The following SLC30A7 variants were observed in gnomAD, a reference collection of about 807,000 sequenced individuals.
SLC30A7 encodes the protein solute carrier family 30 member 7.
In SLC30A7, 35 loss-of-function variants were observed where a neutral mutation model predicts 46.0. The ratio of observed to expected loss-of-function variants is 0.76; its 90% CI spans 0.58 to 1.01. SLC30A7 has a LOEUF of 1.01. Among genes scored for constraint, SLC30A7 ranks in the 50% least tolerant of loss-of-function variants. The pLI, the probability that SLC30A7 is intolerant of heterozygous loss-of-function variation, is 0.00. For missense variants in SLC30A7, 464 were observed against 451.1 expected (o/e 1.03, Z -0.26); for synonymous variants, 147 against 157.8 (o/e 0.93, Z 0.51).
the SLC30A7 span, chr1:100,990,047 A>C: frequency 4.0e-6 from 1 of 251,204 alleles, no homozygotes; most frequent in Non-Finnish European, 7.8e-6. Flanking sequence ...GCTATGAAGA[A>C]ATACCCGAGA....
At chr1:100,987,446 G>C in the SLC30A7 span, among the ~76,000 whole-genome samples, 1 of 151,956 alleles carries the variant, frequency 6.6e-6, no homozygotes, top group Non-Finnish European at 1.5e-5. Context: ...TCCTCAGATT[G>C]GACAATTTCT....
In SLC30A7 at chr1:100,913,810, A is replaced by G. The variant is rs1308874212; in HGVS notation, c.655+4A>G. The G allele has an allele frequency of 1.2e-6, 2 of 1,611,814 alleles. No homozygotes were observed. The highest frequency in any genetic ancestry group is 1.3e-5 in the African/African-American group (1 of 74,846). ...CATGGACACTTTCATTCTCATGGTGAGTACAGCCTAGAGACAAATGGACAG... is the reference window on the plus strand; with the variant it reads ...CATGGACACTTTCATTCTCATGGTGGGTACAGCCTAGAGACAAATGGACAG... On this transcript the variant is annotated splice_donor_region_variant and intron_variant, in intron 6 of 10. Coordinates refer to ENST00000357650, the MANE Select transcript of SLC30A7 (RefSeq NM_133496.5).
chr1:100,985,035 A>C (rs990872356), downstream of SLC30A7, among the ~76,000 whole-genome samples: 11 of 152,336 alleles, frequency 7.2e-5, no homozygotes, highest in African/African-American at 2.6e-4. Context: ...AAAATTTTAA[A>C]AACATACAGA....
chr1:100,919,214 A>AT (rs1056826793), intron 7 of SLC30A7, among the ~76,000 whole-genome samples: 10 of 151,526 alleles, frequency 6.6e-5, no homozygotes, highest in East Asian at 5.8e-4. Flanking sequence ...AATTATAGTA[A>AT]TTTTTTTTTG....
chr1:100,905,532 T>C (rs1651600247), intron 2 of SLC30A7, among the ~76,000 whole-genome samples: 1 of 152,114 alleles, frequency 6.6e-6, no homozygotes, highest in East Asian at 1.9e-4. Flanking sequence ...TCTAAATACA[T>C]GTATTTTAGT....
chr1:100,937,278 C>G (rs181318041), intron 8 of SLC30A7, among the ~76,000 whole-genome samples: 316 of 152,178 alleles, frequency 2.1e-3, no homozygotes, highest in African/African-American at 7.4e-3. Flanking sequence ...ATTTAAACAT[C>G]TGAGTATTTA....
chr1:100,983,385 A>AC (rs1172190717), downstream of SLC30A7, among the ~76,000 whole-genome samples: 23 of 145,856 alleles, frequency 1.6e-4, 1 homozygote, highest in South Asian at 4.7e-3. Context: ...CAAAAAAAAA[A>AC]AAAAACAAAA....
rs115738795 is a variant in SLC30A7, at chr1:100,903,735, C to T, written c.183-3117C>T. On this transcript the variant is annotated intron_variant, in intron 2 of 10. Coordinates refer to ENST00000357650, the MANE Select transcript of SLC30A7 (RefSeq NM_133496.5). ...AGGTTTATAAATTATTGTGCTTTTT[C>T]TTGTTGGTAAATGATGTGCTTTGAC... Among the ~76,000 whole-genome samples the T allele has an allele frequency of 4.8e-3, 733 of 152,148 alleles. 9 individuals are homozygous for T. Among genetic ancestry groups the T allele is most frequent in the African/African-American group, 0.016 (685 of 41,560 alleles).
intron 8 of SLC30A7, among the ~76,000 whole-genome samples, chr1:100,960,525 T>A (rs1655478643): frequency 6.6e-6 from 1 of 152,194 alleles, no homozygotes; most frequent in African/African-American, 2.4e-5. Flanking sequence ...CTCTCTTTCC[T>A]TTCCATCTGT....
chr1:100,907,068 A>C (rs1241299650), intron 3 of SLC30A7, 103 bp downstream of exon 3: 4 of 744,308 alleles, frequency 5.4e-6, no homozygotes, highest in Non-Finnish European at 8.7e-6. Flanking sequence ...ACACAGGTGT[A>C]ACTTTTGAAT....
chr1:100,948,708 G>A lies in SLC30A7; in HGVS notation c.843-13120G>A, dbSNP rs1433112948. Among the ~76,000 whole-genome samples the A allele has an allele frequency of 5.3e-5, 8 of 152,218 alleles. No homozygotes were observed. The South Asian group carries it at 6.2e-4, about 12-fold the overall frequency. ...TCAAACGTAGATTTAGTCTTTTCAC[G>A]TAGTCCTGTATTTCTTGGAGGCTTT... On this transcript the variant is annotated intron_variant, in intron 8 of 10. Coordinates refer to ENST00000357650, the MANE Select transcript of SLC30A7 (RefSeq NM_133496.5).
chr1:100,949,474 C>G (rs1654839033), intron 8 of SLC30A7, among the ~76,000 whole-genome samples: 2 of 152,152 alleles, frequency 1.3e-5, no homozygotes, highest in African/African-American at 4.8e-5. Context: ...GGTCAGGAAC[C>G]CACTTGAGGA....
At chr1:100,994,094 C>T in the SLC30A7 span, among the ~76,000 whole-genome samples, 1 of 152,148 alleles carries the variant, frequency 6.6e-6, no homozygotes, top group South Asian at 2.1e-4. Flanking sequence ...TGTAATTTAA[C>T]ACCTACTCAT....
chr1:100,903,631 TCTATATTTCAG>T, intron 2 of SLC30A7, among the ~76,000 whole-genome samples: 1 of 152,172 alleles, frequency 6.6e-6, no homozygotes, highest in Non-Finnish European at 1.5e-5. Context: ...TTCTAATATA[TCTATATTTCAG>T]TGGAATAAAT....
At chr1:100,939,362 C>G (rs1430566400) in intron 8 of SLC30A7, among the ~76,000 whole-genome samples, 1 of 151,546 alleles carries the variant, frequency 6.6e-6, no homozygotes, top group African/African-American at 2.4e-5. Flanking sequence ...AATCAATGTT[C>G]TTTATATATA....
chr1:100,934,002 T>TA (rs1653812783), intron 8 of SLC30A7, among the ~76,000 whole-genome samples: 4 of 152,254 alleles, frequency 2.6e-5, no homozygotes, highest in Admixed American at 2.6e-4. Flanking sequence ...TCTATATACA[T>TA]ACGTGTACAT....
intron 8 of SLC30A7, among the ~76,000 whole-genome samples, chr1:100,929,812 A>G (rs1653559412): frequency 6.6e-6 from 1 of 152,126 alleles, no homozygotes; most frequent in Admixed American, 6.5e-5. Flanking sequence ...TTTGCAATGA[A>G]AAACAGGAGA....
intron 10 of SLC30A7, among the ~76,000 whole-genome samples, chr1:100,973,678 T>C (rs150786232): frequency 1.3e-5 from 2 of 152,310 alleles, no homozygotes; most frequent in East Asian, 3.9e-4. Context: ...TTTATTTTTT[T>C]CTTTAGCCTT....
In SLC30A7 at chr1:100,912,233, G is replaced by T; in HGVS notation, c.506G>T (p.Gly169Val). 6.2e-7 allele frequency: 1 copy of T among 1,613,642 alleles called. No homozygotes were observed. The highest frequency in any genetic ancestry group is 8.5e-7 in the Non-Finnish European group (1 of 1,179,796). Reference protein sequence around the residue: ...FKHGGHGHSHGSGHGHSHSLF... With the variant: ...FKHGGHGHSHVSGHGHSHSLF... ...CATGGAGGTCATGGACATTCTCATG[G>T]CTCTGGTATGATGGTTAGGACACTT... The change falls in exon 5 of 11, where the codon GGC (glycine) becomes GTC (valine). Residue 169 changes from glycine to valine, a missense_variant. By Grantham distance (109) the Gly-to-Val change is moderately radical. Coordinates refer to ENST00000357650, the MANE Select transcript of SLC30A7 (RefSeq NM_133496.5).
Sources: gnomAD v4.1 joint callset for allele counts (sites outside exome capture counted in the v4.1 genomes callset) on GRCh38, gnomAD v4.1.1 for gene constraint, MANE v1.5 for transcripts, NCBI Gene and HGNC (gene_info 2026-07-23, HGNC 2026-07-21) for gene names.